Variants in STAT3 observed in about 807,000 individuals in gnomAD.
STAT3 encodes signal transducer and activator of transcription 3.
In STAT3, 7 loss-of-function variants were observed where a neutral mutation model predicts 114.3. That is an observed-to-expected ratio of 0.06 (90% CI 0.03 to 0.11). The LOEUF is 0.11. Ranked by LOEUF, STAT3 falls within the 10% of genes least tolerant of loss-of-function variation. STAT3 has a pLI of 1.00. For synonymous variants in STAT3, 331 were observed against 354.5 expected, an observed-to-expected ratio of 0.93 and a Z score of 0.74; for missense variants, 364 against 960.9, an observed-to-expected ratio of 0.38 and a Z score of 8.21.
chr17:42,361,199 G>A (rs1049077682), intron 1 of STAT3, among the ~76,000 whole-genome samples: 10 of 152,116 alleles, frequency 6.6e-5, no homozygotes, highest in South Asian at 4.1e-4. Context: ...CGAAAGCTAC[G>A]GCTGGGCACG....
At position 42,318,083 on chromosome 17, in the gene STAT3, G is replaced by T. The variant is rs538065316; in HGVS notation, c.2102-859C>A. 5.9e-5 allele frequency among the ~76,000 whole-genome samples: 9 copies of T among 151,922 alleles called. No individual in the cohort carries two copies. In the East Asian group the frequency reaches 1.7e-3, roughly 29 times the overall value. On this transcript the variant is annotated intron_variant, in intron 21 of 23. Transcript: ENST00000264657. ...TTCTCCTGCCTTAGGCTCCCAAGCA[G>T]CTGGGACTACAGGTGGCACCACCAT... is the stretch of plus-strand genomic sequence containing the variant.
chr17:42,317,914 A>G (rs2081314504), intron 21 of STAT3, among the ~76,000 whole-genome samples: 1 of 152,142 alleles, frequency 6.6e-6, no homozygotes, highest in African/African-American at 2.4e-5. Context: ...TTCAATAGCT[A>G]AGAGACCTGG....
rs115251204 is a variant in STAT3 at position 42,326,220 on chromosome 17, C to T, written c.1282-21G>A. 5,199 of 1,611,562 alleles carry T rather than the reference C, an allele frequency of 3.2e-3. 147 individuals carry two copies. The African/African-American group carries it at 0.06, about 19-fold the overall frequency. On this transcript the variant is annotated intron_variant, in intron 14 of 23. Transcript: ENST00000264657. Reference sequence around the variant, plus strand: ...GAAGCCTACAGTAACGAGAAGGACACTCTTAGGCCAGGTGTGGTGGCTCAT... The same window carrying T: ...GAAGCCTACAGTAACGAGAAGGACATTCTTAGGCCAGGTGTGGTGGCTCAT...
chr17:42,326,261 A>T, intron 14 of STAT3, 62 bp from the exon 15 acceptor site: 2 of 1,502,202 alleles, frequency 1.3e-6, no homozygotes, highest in Non-Finnish European at 1.8e-6. Flanking sequence ...TAATCCCAGC[A>T]CTTTGGGAGG....
chr17:42,384,198 G>C (rs1567764375), intron 1 of STAT3, among the ~76,000 whole-genome samples: 1 of 149,204 alleles, frequency 6.7e-6, no homozygotes, highest in African/African-American at 2.5e-5. Context: ...GTGCGATATC[G>C]GCTCACTGCA....
At chr17:42,319,136 G>T (rs1345200212) in intron 21 of STAT3, among the ~76,000 whole-genome samples, 1 of 152,192 alleles carries the variant, frequency 6.6e-6, no homozygotes, top group South Asian at 2.1e-4. Context: ...TACTCAGGAG[G>T]CTGAGACAGG....
intron 1 of STAT3, among the ~76,000 whole-genome samples, chr17:42,378,227 T>A (rs2084578597): frequency 6.6e-6 from 1 of 151,756 alleles, no homozygotes; most frequent in Non-Finnish European, 1.5e-5. Flanking sequence ...GTATAAGCGT[T>A]ACCACCCTAA....
intron 11 of STAT3, among the ~76,000 whole-genome samples, chr17:42,330,218 G>C (rs1379059253): frequency 1.3e-5 from 2 of 151,170 alleles, no homozygotes; most frequent in Non-Finnish European, 2.9e-5. Context: ...CTGAGTTCAA[G>C]TGATTCTCCT....
intron 11 of STAT3, among the ~76,000 whole-genome samples, chr17:42,331,010 T>C (rs975039604): frequency 2.0e-5 from 3 of 152,184 alleles, no homozygotes; most frequent in Non-Finnish European, 2.9e-5. Flanking sequence ...CACAGTAACA[T>C]ACTGTACAGG....
chr17:42,359,888 G>A (rs17881668), intron 1 of STAT3, among the ~76,000 whole-genome samples: 11,240 of 151,648 alleles, frequency 0.074, 1,401 homozygotes, highest in African/African-American at 0.26. Flanking sequence ...GTGAAACCCC[G>A]TCTCTACTAA....
At chr17:42,354,945 G>A (rs547797269) in intron 1 of STAT3, among the ~76,000 whole-genome samples, 1 of 152,240 alleles carries the variant, frequency 6.6e-6, no homozygotes, top group East Asian at 1.9e-4. Context: ...CCAAAGACCA[G>A]GTAGTATTTT....
chr17:42,317,726 G>A (rs2081306859), intron 21 of STAT3, among the ~76,000 whole-genome samples: 1 of 152,136 alleles, frequency 6.6e-6, no homozygotes, highest in Non-Finnish European at 1.5e-5. Flanking sequence ...AAAGCCAAAG[G>A]TTATATCTCT....
In STAT3 at chr17:42,324,657, C is replaced by G; in HGVS notation, c.1600+54G>C. The G allele has an allele frequency of 6.7e-7, 1 of 1,494,158 alleles. No homozygotes were observed. Among genetic ancestry groups the G allele is most frequent in the Non-Finnish European group, 8.9e-7 (1 of 1,122,768 alleles). 92.6% of individuals were successfully genotyped at this position (1,494,158 alleles called of 1,614,324 possible). On this transcript the variant is annotated intron_variant, in intron 17 of 23. Transcript: ENST00000264657. The surrounding 1 kb of genome is among the most constrained non-coding windows in gnomAD (Gnocchi z 4.5). ...TGGCCCAAATGAACAGCCCTATGGG[C>G]CGGATCCCTTTTCTGGGCGGGTGGG...
intron 1 of STAT3, among the ~76,000 whole-genome samples, chr17:42,354,404 G>A (rs1484571109): frequency 2.0e-5 from 3 of 149,866 alleles, no homozygotes; most frequent in Non-Finnish European, 3.0e-5. Flanking sequence ...TCCTGACCTC[G>A]TGATCCGCCC....
intron 4 of STAT3, among the ~76,000 whole-genome samples, chr17:42,343,149 G>A (rs892111879): frequency 4.7e-5 from 7 of 148,374 alleles, no homozygotes; most frequent in Non-Finnish European, 1.0e-4. Context: ...TCCAGCCTGG[G>A]TGACAGAGTG....
At position 42,333,644 on chromosome 17, in the gene STAT3, C is replaced by T. The variant is rs1436604015; in HGVS notation, c.1049+29G>A. 1.2e-6 allele frequency: 2 copies of T among 1,611,952 alleles called. No individual in the cohort carries two copies. On this transcript the variant is annotated intron_variant, in intron 10 of 23. Transcript: ENST00000264657. The surrounding 1 kb of genome is among the most constrained non-coding windows in gnomAD (Gnocchi z 5.2). ...CTAACAGTGTCCCTCAGTAAAATCT[C>T]TACTGGAAATGGAAGTGGCATGGCC...
At chr17:42,345,200 G>T (rs2082640600) in intron 4 of STAT3, among the ~76,000 whole-genome samples, 1 of 151,900 alleles carries the variant, frequency 6.6e-6, no homozygotes, top group African/African-American at 2.4e-5. Context: ...TGGAGGTGGA[G>T]GTTGCAGTGA....
At chr17:42,380,415 C>T (rs1231105332) in intron 1 of STAT3, among the ~76,000 whole-genome samples, 2 of 151,040 alleles carry the variant, frequency 1.3e-5, no homozygotes, top group African/African-American at 4.9e-5. Flanking sequence ...GACAGAGTCT[C>T]ACTCTGTCAC....
chr17:42,362,019 G>A (rs901386734), intron 1 of STAT3, among the ~76,000 whole-genome samples: 10 of 152,182 alleles, frequency 6.6e-5, no homozygotes, highest in African/African-American at 2.4e-4. Flanking sequence ...GTGACTCAGA[G>A]AAAGGGAGGA....
Sources: gnomAD v4.1 joint callset for allele counts (sites outside exome capture counted in the v4.1 genomes callset) on GRCh38, gnomAD v4.1.1 for gene constraint, Gnocchi (gnomAD v3.1) non-coding constraint, MANE v1.5 for transcripts, NCBI Gene and HGNC (gene_info 2026-07-23, HGNC 2026-07-21) for gene names.